PRTG: variants seen among roughly 807,000 people sequenced by gnomAD.
PRTG encodes the protein protogenin.
In PRTG, 67 loss-of-function variants were observed where a neutral mutation model predicts 122.5. That is an observed-to-expected ratio of 0.55 (90% CI 0.45 to 0.67). The LOEUF (loss-of-function observed/expected upper bound fraction) is 0.67, where lower values mean the gene tolerates loss of function less well. Among genes scored for constraint, PRTG ranks in the 30% least tolerant of loss-of-function variants. The pLI is 0.00. For missense variants in PRTG, 1,435 were observed against 1,415.4 expected, an observed-to-expected ratio of 1.01 and a Z score of -0.22; for synonymous variants, 554 against 501.1, an observed-to-expected ratio of 1.11 and a Z score of -1.41.
At position 55,637,282 on chromosome 15, in the gene PRTG, C is replaced by A. The variant is rs772521867; in HGVS notation, c.2511G>T (p.Leu837=). The change falls in exon 15 of 20, where the codon CTG becomes CTT. Residue 837 remains leucine (L), a synonymous_variant. Coordinates refer to ENST00000389286, the MANE Select transcript of PRTG (RefSeq NM_173814.6). The part of the protein sequence containing the change: ...KVTLIEDDTA[L]VSWKPPDGPE... ...GGCCATCAGGGGGTTTCCAAGAAAC[C>A]AGGGCAGTGTCATCCTCTATTAATG... The A allele has an allele frequency of 6.2e-7, 1 of 1,613,956 alleles. No homozygotes were observed. Among genetic ancestry groups the A allele is most frequent in the Non-Finnish European group, 8.5e-7 (1 of 1,179,968 alleles).
At chr15:55,626,515 G>T (rs62017965) in intron 17 of PRTG, among the ~76,000 whole-genome samples, 1 of 151,430 alleles carries the variant, frequency 6.6e-6, no homozygotes, top group African/African-American at 2.4e-5. Context: ...AGGATGAGGC[G>T]GGCAGATCAC....
intron 11 of PRTG, among the ~76,000 whole-genome samples, chr15:55,670,131 C>T (rs1487580748): frequency 6.6e-6 from 1 of 152,074 alleles, no homozygotes; most frequent in Non-Finnish European, 1.5e-5. Context: ...TAAATAAATA[C>T]ATACATGCGT....
At chr15:55,627,326 G>GTTTTTTTTTTTTTT (rs35771809) in intron 16 of PRTG, among the ~76,000 whole-genome samples, 198 bp from the exon 17 acceptor site, 1 of 131,488 alleles carries the variant, frequency 7.6e-6, no homozygotes, top group African/African-American at 2.8e-5. Flanking sequence ...CAATATTAAA[G>GTTTTTTTTTTTTTT]TTTTTTTTTT....
At chr15:55,702,300 C>A (rs979746844) in intron 2 of PRTG, among the ~76,000 whole-genome samples, 3 of 152,150 alleles carry the variant, frequency 2.0e-5, no homozygotes, top group Non-Finnish European at 4.4e-5. Context: ...CTTTAATATT[C>A]CCAGGAGCTT....
At chr15:55,626,142 G>T (rs1213331860) in intron 17 of PRTG, among the ~76,000 whole-genome samples, 1 of 152,166 alleles carries the variant, frequency 6.6e-6, no homozygotes, top group Admixed American at 6.5e-5. Flanking sequence ...TAGGCCGGGC[G>T]CGGTGGCTCA....
chr15:55,706,176 T>C (rs2030105776), intron 2 of PRTG, among the ~76,000 whole-genome samples: 1 of 151,848 alleles, frequency 6.6e-6, no homozygotes, highest in Non-Finnish European at 1.5e-5. Context: ...TACTATTCTT[T>C]ACAAAAACAC....
intron 2 of PRTG, among the ~76,000 whole-genome samples, chr15:55,684,263 T>C (rs2059557849): frequency 6.6e-6 from 1 of 152,208 alleles, no homozygotes; most frequent in Non-Finnish European, 1.5e-5. Flanking sequence ...TCAAATACTA[T>C]TGTATATCAG....
intron 2 of PRTG, among the ~76,000 whole-genome samples, chr15:55,731,366 C>CTTT (rs10658460): frequency 0.015 from 1,573 of 103,656 alleles, 29 homozygotes; most frequent in African/African-American, 0.034. Flanking sequence ...CCTTATCATT[C>CTTT]TTTTTTTTTT....
intron 6 of PRTG, 142 bp from the exon 7 acceptor site, chr15:55,679,587 T>C (rs1380999427): frequency 5.0e-6 from 3 of 605,556 alleles, no homozygotes; most frequent in Non-Finnish European, 8.5e-6. Flanking sequence ...TCTCCATACA[T>C]CTCTCCAGGT....
rs912713083 is a variant in PRTG at position 55,689,193 on chromosome 15, A to G, written c.398-5262T>C. ...AGACTCAAGCAGCTTTCATCTATCC[A>G]TTCAAAGGCTTCTATAGGTTAATCC... On this transcript the variant is annotated intron_variant, in intron 2 of 19. Transcript: ENST00000389286. Among the ~76,000 whole-genome samples, 5 of 152,182 alleles carry G rather than the reference A, an allele frequency of 3.3e-5. No homozygotes were observed. In the South Asian group the frequency reaches 1.0e-3, roughly 31 times the overall value.
chr15:55,732,735 C>A (rs1406040965), intron 2 of PRTG, among the ~76,000 whole-genome samples: 1 of 152,032 alleles, frequency 6.6e-6, no homozygotes, highest in East Asian at 1.9e-4. Flanking sequence ...CTCAGGTGAT[C>A]CGCCGGCCCT....
At chr15:55,733,517 A>C (rs1263194227) in intron 2 of PRTG, among the ~76,000 whole-genome samples, 11 of 127,390 alleles carry the variant, frequency 8.6e-5, no homozygotes, top group Non-Finnish European at 1.9e-4. Context: ...TCTCAAACAA[A>C]AAAAAAAAAA....
Position 55,620,161 on chromosome 15 carries a change from A to G in PRTG, c.3304T>C (p.Ser1102Pro), listed in dbSNP as rs758994387. Residue 1102 changes from serine (S) to proline (P), a missense_variant, in exon 20 of 20, where the codon TCA becomes CCA. By Grantham distance (74) the Ser-to-Pro change is moderately conservative (BLOSUM62 -1). Coordinates refer to ENST00000389286, the MANE Select transcript of PRTG (RefSeq NM_173814.6). Reference protein sequence around the residue: ...PSSPGQTTSFSRPFGVAADTE... With the variant: ...PSSPGQTTSFPRPFGVAADTE... Reference sequence around the variant, plus strand: ...TCAGCTGCAACACCAAAGGGTCTTGAGAAGCTGGTTGTCTGACCTGGGGAG... The same window carrying G: ...TCAGCTGCAACACCAAAGGGTCTTGGGAAGCTGGTTGTCTGACCTGGGGAG... 6.2e-7 allele frequency: 1 copy of G among 1,614,214 alleles called. No homozygotes were observed. The highest frequency in any genetic ancestry group is 8.5e-7 in the Non-Finnish European group (1 of 1,180,036).
At chr15:55,706,683 T>A (rs2030137351) in intron 2 of PRTG, among the ~76,000 whole-genome samples, 1 of 151,988 alleles carries the variant, frequency 6.6e-6, no homozygotes, top group Admixed American at 6.6e-5. Flanking sequence ...TAAGGATGAC[T>A]TGAGCCCAGG....
chr15:55,729,223 G>A lies in PRTG; in HGVS notation c.397+11159C>T, dbSNP rs76114763. ...ATGAAGTACTGATACACGCCACAAC[G>A]TGGATAAACCTTGAAAACATGCTAA... On this transcript the variant is annotated intron_variant, in intron 2 of 19. Transcript: ENST00000389286. 1.9e-3 allele frequency among the ~76,000 whole-genome samples: 282 copies of A among 152,302 alleles called. No homozygotes were observed. The East Asian group carries it at 0.02, about 11-fold the overall frequency.
At chr15:55,741,825 G>C (rs531016801) in intron 1 of PRTG, among the ~76,000 whole-genome samples, 1 of 152,322 alleles carries the variant, frequency 6.6e-6, no homozygotes, top group East Asian at 1.9e-4. Context: ...CGCTGTGCGC[G>C]GACCACTCCG....
rs564335760 is a variant in PRTG at position 55,617,140 on chromosome 15, A to C, written c.*2872T>G. 1.3e-5 allele frequency: 2 copies of C among 152,250 alleles called. No homozygotes were observed. The highest frequency in any genetic ancestry group is 4.1e-4 in the South Asian group (2 of 4,834). The allele number at this position is 152,250 out of a possible 1,614,324, so 9.4% of individuals were successfully genotyped here. On this transcript the variant is annotated 3_prime_UTR_variant, in exon 20 of 20. Coordinates refer to ENST00000389286, the MANE Select transcript of PRTG (RefSeq NM_173814.6). Reference sequence around the variant, plus strand: ...CAATTTCATACTTAAGACTTCAAAGAAGCTTGATTTGGTCAAGTAAAAAGA... The same window carrying C: ...CAATTTCATACTTAAGACTTCAAAGCAGCTTGATTTGGTCAAGTAAAAAGA...
At chr15:55,692,166 A>G (rs1441765264) in intron 2 of PRTG, among the ~76,000 whole-genome samples, 7 of 152,226 alleles carry the variant, frequency 4.6e-5, no homozygotes, top group Non-Finnish European at 4.4e-5. Flanking sequence ...AGTTTACCTA[A>G]TAGGAATATC....
chr15:55,642,083 A>T (rs2059293964), intron 11 of PRTG, among the ~76,000 whole-genome samples: 1 of 147,682 alleles, frequency 6.8e-6, no homozygotes, highest in Non-Finnish European at 1.5e-5. Context: ...CTGAGGCAGG[A>T]GAATGGCGTG....
Sources: allele counts gnomAD v4.1 joint callset (sites outside exome capture counted in the v4.1 genomes callset), GRCh38; gene constraint gnomAD v4.1.1; transcripts MANE v1.5; gene names NCBI Gene and HGNC (gene_info 2026-07-23, HGNC 2026-07-21).